The following CSMD1 variants were observed in gnomAD, a reference collection of about 807,000 sequenced individuals.
CSMD1 encodes the protein CUB and Sushi multiple domains 1, also known as CUB and sushi domain-containing protein 1.
CSMD1 carries 213 observed loss-of-function variants against 417.5 expected under a neutral mutation model. The ratio of observed to expected loss-of-function variants is 0.51; its 90% CI spans 0.46 to 0.57. CSMD1 has a LOEUF of 0.57. Among genes scored for constraint, CSMD1 ranks in the 20% least tolerant of loss-of-function variants. The pLI, the probability that CSMD1 is intolerant of heterozygous loss-of-function variation, is 0.00. For missense variants in CSMD1, 6,923 were observed against 4,529.7 expected (o/e 1.53, Z -15.17); for synonymous variants, 2,862 against 1,736.8 (o/e 1.65, Z -16.11).
chr8:4,055,281 ATTGT>A (rs1240362164), intron 3 of CSMD1, among the ~76,000 whole-genome samples: 2 of 152,122 alleles, frequency 1.3e-5, no homozygotes, highest in Non-Finnish European at 2.9e-5. Flanking sequence ...TTTTTGTATT[ATTGT>A]TTTTCTCTAG....
intron 7 of CSMD1, among the ~76,000 whole-genome samples, chr8:3,651,595 C>T (rs1165243253): frequency 1.3e-5 from 2 of 152,112 alleles, no homozygotes; most frequent in East Asian, 3.9e-4. Context: ...AGAATAGCCC[C>T]TGCCCCCCTG....
rs773184393 is a variant in CSMD1, at chr8:4,324,339, G to A, written c.415+95614C>T. Among the ~76,000 whole-genome samples, 76 of 152,294 alleles carry A rather than the reference G, an allele frequency of 5.0e-4. 1 individual carries two copies. The highest frequency in any genetic ancestry group is 1.2e-3 in the Admixed American group (19 of 15,286). On this transcript the variant is annotated intron_variant, in intron 3 of 69. Transcript: ENST00000635120. ...CCTCGAAAGAAATCAATACTCGGAA[G>A]GTCCTGTAGTAGCAGCCATTCCATG...
At chr8:4,385,764 C>G (rs577997997) in intron 3 of CSMD1, among the ~76,000 whole-genome samples, 4 of 152,030 alleles carry the variant, frequency 2.6e-5, no homozygotes, top group African/African-American at 9.7e-5. Context: ...GAATTCATGT[C>G]GATTGTAATG....
At chr8:3,827,903 A>T (rs189117762) in intron 5 of CSMD1, among the ~76,000 whole-genome samples, 4 of 152,208 alleles carry the variant, frequency 2.6e-5, no homozygotes, top group African/African-American at 4.8e-5. Context: ...CACTCAAAGG[A>T]AACAATATAG....
intron 11 of CSMD1, among the ~76,000 whole-genome samples, chr8:3,477,612 A>G (rs1230274569): frequency 6.6e-6 from 1 of 152,208 alleles, no homozygotes; most frequent in Non-Finnish European, 1.5e-5. Context: ...GTGTTGATAA[A>G]TATCTCTGGT....
chr8:3,726,179 A>G (rs1802484265), intron 6 of CSMD1, among the ~76,000 whole-genome samples: 1 of 152,082 alleles, frequency 6.6e-6, no homozygotes, highest in Non-Finnish European at 1.5e-5. Flanking sequence ...CACACGAATC[A>G]GCTCTTGGAA....
chr8:4,774,116 C>T (rs1219571825), intron 1 of CSMD1, among the ~76,000 whole-genome samples: 4 of 152,180 alleles, frequency 2.6e-5, no homozygotes, highest in African/African-American at 9.7e-5. Context: ...AGAGGGTTCA[C>T]TTGAACCCAG....
At chr8:3,690,586 G>C (rs1199068280) in intron 7 of CSMD1, among the ~76,000 whole-genome samples, 3 of 152,146 alleles carry the variant, frequency 2.0e-5, no homozygotes, top group South Asian at 2.1e-4. Flanking sequence ...ACATCAGTGA[G>C]ATGTGATTCA....
At chr8:4,965,276 C>T (rs1809785008) in intron 1 of CSMD1, among the ~76,000 whole-genome samples, 1 of 152,200 alleles carries the variant, frequency 6.6e-6, no homozygotes, top group African/African-American at 2.4e-5. Context: ...CCAATACTTA[C>T]TGAGTACTTA....
chr8:4,495,664 T>A (rs1264251097), intron 2 of CSMD1, among the ~76,000 whole-genome samples: 1 of 152,130 alleles, frequency 6.6e-6, no homozygotes, highest in Non-Finnish European at 1.5e-5. Flanking sequence ...GAGATAAAAA[T>A]GTAAGTAAAA....
intron 2 of CSMD1, among the ~76,000 whole-genome samples, chr8:4,595,656 A>G (rs190027658): frequency 1.2e-3 from 188 of 152,272 alleles, no homozygotes; most frequent in Middle Eastern, 3.4e-3. Flanking sequence ...AGTCCCAGCT[A>G]CTGGGGAGGC....
chr8:4,689,832 G>T (rs939834230), intron 1 of CSMD1, among the ~76,000 whole-genome samples: 1 of 152,072 alleles, frequency 6.6e-6, no homozygotes, highest in Non-Finnish European at 1.5e-5. Context: ...TCCCTTTCTG[G>T]TGCCTTTAAT....
chr8:4,444,346 C>CAAAAAAAAAAAAAAAAAAAA lies in CSMD1; in HGVS notation c.303-24301_303-24282dup, dbSNP rs112028005. 2.6e-4 allele frequency among the ~76,000 whole-genome samples: 12 copies of CAAAAAAAAAAAAAAAAAAAA among 46,278 alleles called. 2 individuals carry two copies. The highest frequency in any genetic ancestry group is 7.8e-4 in the African/African-American group (11 of 14,104). 30.4% of individuals were successfully genotyped at this position (46,278 alleles called of 152,430 possible). ...TGGGCTACAGAGTGAGACTCCATCTCAAAAAAAAAAAAAAAAAAAAAAAAA... is the reference window on the plus strand; with the variant it reads ...TGGGCTACAGAGTGAGACTCCATCTCAAAAAAAAAAAAAAAAAAAAAAAAAAAAAAAAAAAAAAAAAAAAA... On this transcript the variant is annotated intron_variant, in intron 2 of 69. Coordinates refer to ENST00000635120, the MANE Select transcript of CSMD1 (RefSeq NM_033225.6).
chr8:3,725,930 G>T (rs767497542), intron 6 of CSMD1, among the ~76,000 whole-genome samples: 4 of 152,096 alleles, frequency 2.6e-5, no homozygotes, highest in East Asian at 1.9e-4. Context: ...TAGTGGCCTG[G>T]ACCTAATGAC....
intron 27 of CSMD1, among the ~76,000 whole-genome samples, chr8:3,225,574 C>T (rs928807134): frequency 6.6e-6 from 1 of 152,112 alleles, no homozygotes; most frequent in Non-Finnish European, 1.5e-5. Context: ...GAAGATTCTA[C>T]TGCACACAGG....
At chr8:3,028,900 A>G (rs1349056467) in intron 51 of CSMD1, among the ~76,000 whole-genome samples, 5 of 152,202 alleles carry the variant, frequency 3.3e-5, no homozygotes, top group Non-Finnish European at 5.9e-5. Flanking sequence ...CTTGTACCTA[A>G]GAGAATAATC....
chr8:3,013,949 C>T (rs957422197), intron 52 of CSMD1, among the ~76,000 whole-genome samples: 1 of 152,106 alleles, frequency 6.6e-6, no homozygotes, highest in Admixed American at 6.6e-5. Flanking sequence ...CATGGCAGCA[C>T]TTGTCACATA....
In CSMD1 at chr8:3,900,968, C is replaced by G. The variant is rs143255093; in HGVS notation, c.818+96935G>C. On this transcript the variant is annotated intron_variant, in intron 5 of 69. Transcript: ENST00000635120. ...AGGTCTATAAAGGACAGAACAGAGC[C>G]TGAAACTTTATGATTTTTCATTATT... Among the ~76,000 whole-genome samples, 5 of 152,298 alleles carry G rather than the reference C, an allele frequency of 3.3e-5. No individual in the cohort carries two copies. The East Asian group carries it at 9.6e-4, about 29-fold the overall frequency.
chr8:4,412,713 A>G (rs549514592), intron 3 of CSMD1, among the ~76,000 whole-genome samples: 1 of 152,182 alleles, frequency 6.6e-6, no homozygotes, highest in African/African-American at 2.4e-5. Flanking sequence ...ACATATAAAG[A>G]CATAGTGAAA....
Sources: allele counts gnomAD v4.1 joint callset (sites outside exome capture counted in the v4.1 genomes callset), GRCh38; gene constraint gnomAD v4.1.1; transcripts MANE v1.5; gene names NCBI Gene and HGNC (gene_info 2026-07-23, HGNC 2026-07-21).